CAB39: variants seen among roughly 807,000 people sequenced by gnomAD.
CAB39 encodes the protein calcium-binding protein 39.
A neutral mutation model predicts 40.0 loss-of-function variants in CAB39; 8 were observed. The observed-to-expected ratio is 0.20, with a 90% CI of 0.12 to 0.36. The LOEUF is 0.36. CAB39 is among the 10% of genes least tolerant of loss of function. The probability of loss-of-function intolerance (pLI) is 1.00; values close to 1 mark genes in which losing one functional copy is unlikely to be tolerated. For missense variants in CAB39, 270 were observed against 401.1 expected, an observed-to-expected ratio of 0.67 and a Z score of 2.79; for synonymous variants, 156 against 141.6, an observed-to-expected ratio of 1.10 and a Z score of -0.72.
chr2:230,736,375 C>G (rs1575909843), intron 1 of CAB39, among the ~76,000 whole-genome samples: 1 of 152,270 alleles, frequency 6.6e-6, no homozygotes, highest in East Asian at 1.9e-4. Flanking sequence ...TTCCTTCTCT[C>G]TTTTTTTCTT....
At chr2:230,817,613 G>T in intron 7 of CAB39, 141 bp from the exon 8 acceptor site, 2 of 598,806 alleles carry the variant, frequency 3.3e-6, no homozygotes, top group South Asian at 2.5e-5. Flanking sequence ...TAGCTTTTAG[G>T]TTGTAATTCA....
intron 5 of CAB39, among the ~76,000 whole-genome samples, chr2:230,806,879 G>GA (rs879320948): frequency 1.2e-4 from 18 of 152,136 alleles, no homozygotes; most frequent in Non-Finnish European, 2.6e-4. Flanking sequence ...AAGCCCCCTG[G>GA]GTTAGCAGGA....
intron 2 of CAB39, among the ~76,000 whole-genome samples, chr2:230,776,951 T>G (rs967140780): frequency 1.3e-5 from 2 of 152,294 alleles, no homozygotes; most frequent in Non-Finnish European, 2.9e-5. Flanking sequence ...CCTCTTAAAG[T>G]GCTGAGATTA....
rs920616050 is a variant in CAB39 at position 230,819,276 on chromosome 2, C to G, written c.*572C>G. 6.6e-6 allele frequency: 1 copy of G among 152,506 alleles called. No homozygotes were observed. Among genetic ancestry groups the G allele is most frequent in the Non-Finnish European group, 1.5e-5 (1 of 68,076 alleles). 9.4% of individuals were successfully genotyped at this position (152,506 alleles called of 1,614,324 possible). On this transcript the variant is annotated 3_prime_UTR_variant, in exon 9 of 9. Transcript: ENST00000258418. ...CAACTTCTTAAAAGTGTAAAGAAGC[C>G]TCATAAGATCATAAGGAAAATGTAT... is the stretch of plus-strand genomic sequence containing the variant.
chr2:230,769,955 T>C (rs993256006), intron 2 of CAB39, among the ~76,000 whole-genome samples: 2 of 151,876 alleles, frequency 1.3e-5, no homozygotes, highest in Admixed American at 6.6e-5. Context: ...AGACCCTGTC[T>C]CAAAAAAAAG....
intron 2 of CAB39, among the ~76,000 whole-genome samples, chr2:230,783,474 TTTTG>T (rs1398641737): frequency 2.7e-5 from 4 of 149,472 alleles, no homozygotes; most frequent in South Asian, 2.1e-4. Flanking sequence ...TTTTGTTTTG[TTTTG>T]TTTGTTTTGA....
chr2:230,724,897 A>C (rs1575900362), intron 1 of CAB39, among the ~76,000 whole-genome samples: 1 of 152,050 alleles, frequency 6.6e-6, no homozygotes, highest in East Asian at 1.9e-4. Flanking sequence ...CCGGGAATCC[A>C]TTCAGGAAAG....
intron 5 of CAB39, among the ~76,000 whole-genome samples, chr2:230,803,249 C>T (rs1438264872): frequency 6.6e-6 from 1 of 152,152 alleles, no homozygotes; most frequent in Non-Finnish European, 1.5e-5. Flanking sequence ...ATTGATGGAA[C>T]GTATCTCAAA....
intron 1 of CAB39, among the ~76,000 whole-genome samples, chr2:230,741,262 C>T (rs534671947): frequency 1.3e-5 from 2 of 152,350 alleles, no homozygotes; most frequent in African/African-American, 4.8e-5. Flanking sequence ...TGGTTATTTA[C>T]ATATTAACAT....
At chr2:230,736,373 C>G (rs963266955) in intron 1 of CAB39, among the ~76,000 whole-genome samples, 1 of 152,134 alleles carries the variant, frequency 6.6e-6, no homozygotes, top group East Asian at 1.9e-4. Context: ...GTTTCCTTCT[C>G]TCTTTTTTTC....
Position 230,810,341 on chromosome 2 carries a change from A to AT in CAB39, c.627+24dup. 1.1e-6 allele frequency: 1 copy of AT among 915,312 alleles called. No homozygotes were observed. The highest frequency in any genetic ancestry group is 1.7e-5 in the African/African-American group (1 of 57,536). The allele number at this position is 915,312 out of a possible 1,614,324, so 56.7% of individuals were successfully genotyped here. A position where few individuals can be genotyped will look rare whatever the true frequency, so the allele number is the denominator to read the frequency against. On this transcript the variant is annotated intron_variant, in intron 6 of 8. Coordinates refer to ENST00000258418, the MANE Select transcript of CAB39 (RefSeq NM_016289.4). Reference sequence around the variant, plus strand: ...TGATAGAGTAAGTATATGAAATACTATTTTTAAATAATAAATTGTAACTTT... The same window carrying AT: ...TGATAGAGTAAGTATATGAAATACTATTTTTTAAATAATAAATTGTAACTTT...
At chr2:230,731,864 A>G (rs562136130) in intron 1 of CAB39, among the ~76,000 whole-genome samples, 11 of 152,290 alleles carry the variant, frequency 7.2e-5, no homozygotes, top group Admixed American at 1.3e-4. Context: ...ACATCTAGCT[A>G]TTTTAGCTAT....
At chr2:230,797,715 G>A (rs1014643461) in intron 4 of CAB39, among the ~76,000 whole-genome samples, 3 of 152,164 alleles carry the variant, frequency 2.0e-5, no homozygotes, top group African/African-American at 7.2e-5. Context: ...GCAGGCTGTA[G>A]GCAACAGGTG....
intron 1 of CAB39, chr2:230,713,970 G>A: frequency 6.6e-6 from 1 of 152,586 alleles, no homozygotes. Flanking sequence ...CTTCTGCCTC[G>A]CAGAAACCTG....
intron 1 of CAB39, among the ~76,000 whole-genome samples, chr2:230,741,450 T>C (rs1420978395): frequency 6.6e-6 from 1 of 152,216 alleles, no homozygotes; most frequent in Non-Finnish European, 1.5e-5. Flanking sequence ...AGTTTACTTC[T>C]AGTATTTGCC....
At chr2:230,726,648 G>A (rs371102166) in intron 1 of CAB39, among the ~76,000 whole-genome samples, 1 of 152,080 alleles carries the variant, frequency 6.6e-6, no homozygotes, top group Non-Finnish European at 1.5e-5. Flanking sequence ...CTTCCTGTAT[G>A]TAAACAGCAA....
chr2:230,748,490 C>T (rs964315386), intron 1 of CAB39, among the ~76,000 whole-genome samples: 5 of 152,038 alleles, frequency 3.3e-5, no homozygotes, highest in African/African-American at 1.2e-4. Context: ...TGATTGTTGC[C>T]TAGTTCCATT....
intron 1 of CAB39, among the ~76,000 whole-genome samples, chr2:230,727,133 C>T (rs1435047931): frequency 1.3e-5 from 2 of 151,802 alleles, no homozygotes. Flanking sequence ...TTTGGAAGAG[C>T]TAATCATGAA....
At chr2:230,782,392 G>A (rs1195049057) in intron 2 of CAB39, among the ~76,000 whole-genome samples, 2 of 152,100 alleles carry the variant, frequency 1.3e-5, no homozygotes, top group Admixed American at 1.3e-4. Flanking sequence ...GGGGAGGGCT[G>A]AAAAAGGAGA....
Sources: gnomAD v4.1 joint callset for allele counts (sites outside exome capture counted in the v4.1 genomes callset) on GRCh38, gnomAD v4.1.1 for gene constraint, MANE v1.5 for transcripts, NCBI Gene and HGNC (gene_info 2026-07-23, HGNC 2026-07-21) for gene names.